FAM227B: variants seen among roughly 807,000 people sequenced by gnomAD.
The protein encoded by FAM227B is protein FAM227B.
In FAM227B, 88 loss-of-function variants were observed where a neutral mutation model predicts 73.8. The ratio of observed to expected loss-of-function variants is 1.19; its 90% confidence interval spans 1.00 to 1.42. The LOEUF is 1.42. Among genes scored for constraint, FAM227B ranks in the 40% most tolerant of loss-of-function variants. FAM227B has a pLI of 0.00. For synonymous variants in FAM227B, 210 were observed against 190.5 expected (o/e 1.10, Z -0.84); for missense variants, 632 against 590.9 (o/e 1.07, Z -0.72).
intron 11 of FAM227B, among the ~76,000 whole-genome samples, chr15:49,498,334 G>A (rs1597621665): frequency 6.6e-6 from 1 of 152,082 alleles, no homozygotes; most frequent in South Asian, 2.1e-4. Context: ...AAATGAAGAT[G>A]ATAATAAAAG....
chr15:49,446,319 A>G (rs2052206812), intron 11 of FAM227B, among the ~76,000 whole-genome samples: 1 of 151,632 alleles, frequency 6.6e-6, no homozygotes, highest in South Asian at 2.1e-4. Flanking sequence ...TTCAGTACTC[A>G]TAGAGCACCT....
chr15:49,466,952 A>T lies in FAM227B; in HGVS notation c.1012+41259T>A, dbSNP rs192677330. Among the ~76,000 whole-genome samples, 266 of 152,312 alleles carry T rather than the reference A, an allele frequency of 1.7e-3. 2 individuals carry two copies. The highest frequency in any genetic ancestry group is 6.3e-3 in the African/African-American group (260 of 41,572). On this transcript the variant is annotated intron_variant, in intron 11 of 15. Transcript: ENST00000299338. ...GCATATGCTTTAAAAGTGCTAAGAA[A>T]GCCAATGACCAAAATGACTTTAAAT... is the stretch of plus-strand genomic sequence containing the variant.
chr15:49,372,719 A>T (rs2151484127), intron 11 of FAM227B, among the ~76,000 whole-genome samples: 2 of 152,262 alleles, frequency 1.3e-5, no homozygotes, highest in African/African-American at 4.8e-5. Flanking sequence ...ACATCTGAGA[A>T]AAAAGGTGAT....
intron 5 of FAM227B, 22 bp from the exon 6 acceptor site, chr15:49,577,686 C>T (rs560582320): frequency 2.9e-5 from 42 of 1,431,892 alleles, no homozygotes; most frequent in Middle Eastern, 3.7e-4. Flanking sequence ...TTTAAATAAA[C>T]TCTTTAAAAC....
intron 13 of FAM227B, 68 bp from the exon 14 acceptor site, chr15:49,335,564 C>T (rs1019945933): frequency 8.6e-7 from 1 of 1,160,502 alleles, no homozygotes; most frequent in Non-Finnish European, 1.3e-6. Context: ...GTACCCTTCA[C>T]AGAGGAACCA....
intron 3 of FAM227B, among the ~76,000 whole-genome samples, chr15:49,592,862 C>A (rs977186336): frequency 6.6e-6 from 1 of 152,210 alleles, no homozygotes; most frequent in African/African-American, 2.4e-5. Context: ...AAGCTTCCTG[C>A]CCACTTTGTT....
intron 13 of FAM227B, among the ~76,000 whole-genome samples, chr15:49,356,816 T>C (rs1264228940): frequency 6.2e-4 from 49 of 79,340 alleles, no homozygotes; most frequent in African/African-American, 2.0e-3. Context: ...TATTCCAAAA[T>C]TGACCACATA....
chr15:49,424,576 T>A, intron 11 of FAM227B: 5 of 1,549,350 alleles, frequency 3.2e-6, no homozygotes, highest in Non-Finnish European at 4.4e-6. Flanking sequence ...AGATGAAGAA[T>A]AATTACAGTA....
chr15:49,394,333 G>C (rs1453057332), intron 11 of FAM227B, among the ~76,000 whole-genome samples: 2 of 152,078 alleles, frequency 1.3e-5, no homozygotes, highest in African/African-American at 2.4e-5. Flanking sequence ...TAGATGTGGT[G>C]GTGGGAATTT....
intron 13 of FAM227B, among the ~76,000 whole-genome samples, chr15:49,342,678 T>C (rs1368548905): frequency 6.6e-6 from 1 of 152,200 alleles, no homozygotes. Context: ...CTCCTTTGTC[T>C]TCCCTTTTAG....
intron 10 of FAM227B, among the ~76,000 whole-genome samples, chr15:49,515,472 C>T (rs1339307176): frequency 1.3e-5 from 2 of 152,106 alleles, no homozygotes; most frequent in African/African-American, 4.8e-5. Flanking sequence ...CTGTTGATTG[C>T]TTTTTCGCTT....
chr15:49,420,362 G>A (rs1213794245), intron 11 of FAM227B, among the ~76,000 whole-genome samples: 1 of 151,718 alleles, frequency 6.6e-6, no homozygotes, highest in Non-Finnish European at 1.5e-5. Flanking sequence ...AAAAATGTGA[G>A]AAGCTTCCTA....
At chr15:49,497,530 C>G (rs1396778071) in intron 11 of FAM227B, among the ~76,000 whole-genome samples, 1 of 152,192 alleles carries the variant, frequency 6.6e-6, no homozygotes, top group Non-Finnish European at 1.5e-5. Flanking sequence ...GAGGCACTCA[C>G]TGACCACTAA....
At chr15:49,421,141 C>A (rs1047116510) in intron 11 of FAM227B, among the ~76,000 whole-genome samples, 1 of 152,166 alleles carries the variant, frequency 6.6e-6, no homozygotes, top group Non-Finnish European at 1.5e-5. Context: ...GAGCAACAAA[C>A]GGTTGCCAAT....
intron 11 of FAM227B, among the ~76,000 whole-genome samples, chr15:49,499,595 T>C (rs2057969796): frequency 6.6e-6 from 1 of 152,102 alleles, no homozygotes; most frequent in African/African-American, 2.4e-5. Flanking sequence ...ACCAAAATAA[T>C]TGTGTAAAAG....
Position 49,366,599 on chromosome 15 carries a change from AT to A in FAM227B, c.1271+848del, listed in dbSNP as rs1028950662. On this transcript the variant is annotated intron_variant, in intron 13 of 15. Transcript: ENST00000299338. Reference sequence around the variant, plus strand: ...TGTGCCATTTCCAGACGCATGCAAGATTGCTTCCTGAGCGGCTGTCAGCTGG... The same window carrying A: ...TGTGCCATTTCCAGACGCATGCAAGATGCTTCCTGAGCGGCTGTCAGCTGG... 2.5e-6 allele frequency: 4 copies of A among 1,600,786 alleles called. No individual in the cohort carries two copies. In the Admixed American group the frequency reaches 6.7e-5, roughly 27 times the overall value.
At chr15:49,358,452 CAGAG>C (rs887336003) in intron 13 of FAM227B, among the ~76,000 whole-genome samples, 9 of 139,284 alleles carry the variant, frequency 6.5e-5, no homozygotes, top group African/African-American at 1.1e-4. Context: ...AACAGACAAA[CAGAG>C]AGCCAAATCA....
chr15:49,538,353 C>T (rs1452118424), intron 10 of FAM227B, among the ~76,000 whole-genome samples: 1 of 152,198 alleles, frequency 6.6e-6, no homozygotes, highest in Non-Finnish European at 1.5e-5. Context: ...TGGAGCACTT[C>T]ATCAGTTTGG....
At chr15:49,492,097 T>C (rs551718631) in intron 11 of FAM227B, among the ~76,000 whole-genome samples, 3 of 151,998 alleles carry the variant, frequency 2.0e-5, no homozygotes, top group South Asian at 4.1e-4. Context: ...TCCTTTAGAA[T>C]CTGTTTTTAA....
Sources: allele counts gnomAD v4.1 joint callset (sites outside exome capture counted in the v4.1 genomes callset), GRCh38; gene constraint gnomAD v4.1.1; transcripts MANE v1.5; gene names NCBI Gene and HGNC (gene_info 2026-07-23, HGNC 2026-07-21).